The following TNIK variants were observed in gnomAD, a reference collection of about 807,000 sequenced individuals.
TNIK encodes the protein TRAF2 and NCK interacting kinase.
In TNIK, 49 loss-of-function variants were observed where a neutral mutation model predicts 191.3. The ratio of observed to expected loss-of-function variants is 0.26; its 90% CI spans 0.20 to 0.32. TNIK has a LOEUF of 0.32. Ranked by LOEUF, TNIK falls within the 10% of genes least tolerant of loss-of-function variation. TNIK has a pLI of 1.00. For missense variants in TNIK, 1,155 were observed against 1,702.3 expected (o/e 0.68, Z 5.66); for synonymous variants, 594 against 600.9 (o/e 0.99, Z 0.17).
intron 22 of TNIK, among the ~76,000 whole-genome samples, chr3:171,097,534 G>A (rs530254708): frequency 6.6e-6 from 1 of 152,256 alleles, no homozygotes; most frequent in South Asian, 2.1e-4. Context: ...ATGGAGGTGG[G>A]TTTTTCCTCT....
intron 26 of TNIK, among the ~76,000 whole-genome samples, chr3:171,083,862 C>G (rs1265261605): frequency 2.6e-5 from 4 of 152,190 alleles, no homozygotes; most frequent in Admixed American, 2.6e-4. Context: ...TTTGCCCACT[C>G]AATGTATTCA....
Position 171,183,853 on chromosome 3 carries a change from A to G in TNIK, c.639+4849T>C, listed in dbSNP as rs1577062379. On this transcript the variant is annotated intron_variant, in intron 7 of 32. Transcript: ENST00000436636. ...GGAGAATCGCTTGAACCCAGGAGGC[A>G]GAGGTTGCAGTGAGCCGAGATCGTG... Among the ~76,000 whole-genome samples, 4 of 146,294 alleles carry G rather than the reference A, an allele frequency of 2.7e-5. No individual in the cohort carries two copies. The Admixed American group carries it at 2.8e-4, about 10-fold the overall frequency.
intron 27 of TNIK, among the ~76,000 whole-genome samples, chr3:171,080,964 T>C (rs761569171): frequency 6.6e-6 from 1 of 152,218 alleles, no homozygotes; most frequent in Non-Finnish European, 1.5e-5. Flanking sequence ...CCTATTTTCA[T>C]TTTCTCCTTT....
intron 31 of TNIK, 122 bp downstream of exon 31, chr3:171,066,452 AAG>A: frequency 6.4e-7 from 1 of 1,555,388 alleles, no homozygotes; most frequent in South Asian, 1.2e-5. Context: ...CAAGTCTTAC[AAG>A]AGTTATTCAC....
intron 2 of TNIK, among the ~76,000 whole-genome samples, chr3:171,278,350 G>A (rs1292312216): frequency 6.6e-6 from 1 of 152,090 alleles, no homozygotes; most frequent in Non-Finnish European, 1.5e-5. Context: ...ACATAACAAT[G>A]AATTTCTGCT....
At chr3:171,171,659 C>T (rs1285632208) in intron 9 of TNIK, among the ~76,000 whole-genome samples, 1 of 152,206 alleles carries the variant, frequency 6.6e-6, no homozygotes. Flanking sequence ...TCCTATCCTT[C>T]TCCAGAAAGT....
intron 15 of TNIK, among the ~76,000 whole-genome samples, chr3:171,137,754 A>G (rs1429189713): frequency 6.6e-6 from 1 of 152,244 alleles, no homozygotes; most frequent in Non-Finnish European, 1.5e-5. Context: ...GAACAAAGTT[A>G]TGTTAGTGAC....
intron 1 of TNIK, among the ~76,000 whole-genome samples, chr3:171,377,854 T>C (rs551897240): frequency 2.0e-5 from 3 of 152,374 alleles, no homozygotes; most frequent in Non-Finnish European, 2.9e-5. Context: ...TTAAGAGAAG[T>C]TTCCCAAGGT....
intron 4 of TNIK, among the ~76,000 whole-genome samples, chr3:171,207,136 C>A (rs1421333017): frequency 6.6e-6 from 1 of 151,888 alleles, no homozygotes; most frequent in Non-Finnish European, 1.5e-5. Flanking sequence ...CTGCAATGAA[C>A]ACAGGAGCTC....
At chr3:171,279,915 TA>T (rs1317502342) in intron 2 of TNIK, among the ~76,000 whole-genome samples, 3 of 152,138 alleles carry the variant, frequency 2.0e-5, no homozygotes, top group Admixed American at 2.0e-4. Context: ...GAATCTATCT[TA>T]CTCCCCCAGG....
intron 1 of TNIK, among the ~76,000 whole-genome samples, chr3:171,424,769 T>G (rs2108641054): frequency 7.6e-6 from 1 of 130,724 alleles, no homozygotes; most frequent in South Asian, 2.4e-4. Flanking sequence ...CACTCATAGG[T>G]GGGAATTGAA....
chr3:171,197,456 T>A (rs9822610), intron 4 of TNIK, among the ~76,000 whole-genome samples: 44,966 of 151,902 alleles, frequency 0.3, 6,948 homozygotes, highest in East Asian at 0.5. Context: ...CTATCAAGAC[T>A]GTGAAAAGAC....
chr3:171,368,729 G>A (rs972147564), intron 2 of TNIK, among the ~76,000 whole-genome samples: 3 of 152,038 alleles, frequency 2.0e-5, no homozygotes, highest in African/African-American at 7.2e-5. Context: ...ACTGAGAGAA[G>A]TTTAGGGCTC....
intron 2 of TNIK, among the ~76,000 whole-genome samples, chr3:171,367,075 A>G (rs936316159): frequency 6.6e-6 from 1 of 152,192 alleles, no homozygotes; most frequent in Admixed American, 6.5e-5. Context: ...GCGGGAGAAC[A>G]GACTAATACA....
chr3:171,135,981 A>T (rs1408335316), intron 15 of TNIK, among the ~76,000 whole-genome samples: 1 of 152,242 alleles, frequency 6.6e-6, no homozygotes, highest in East Asian at 1.9e-4. Flanking sequence ...ACAAATAGCA[A>T]CTGGAAAACA....
chr3:171,259,264 A>C (rs959948702), intron 2 of TNIK, among the ~76,000 whole-genome samples: 5 of 152,210 alleles, frequency 3.3e-5, no homozygotes, highest in African/African-American at 7.2e-5. Context: ...ATATTTAAAC[A>C]TAACCTTTAA....
At chr3:171,240,706 A>T (rs557051483) in intron 2 of TNIK, among the ~76,000 whole-genome samples, 2 of 152,318 alleles carry the variant, frequency 1.3e-5, no homozygotes, top group East Asian at 3.9e-4. Context: ...AAAGAGTCTC[A>T]AATGACTCTT....
intron 12 of TNIK, among the ~76,000 whole-genome samples, chr3:171,142,562 G>A (rs950166728): frequency 1.3e-5 from 2 of 152,340 alleles, no homozygotes; most frequent in East Asian, 1.9e-4. Context: ...CGGCCAAGGG[G>A]CACAGTGGAC....
Position 171,063,695 on chromosome 3 carries a change from T to C in TNIK, c.*186A>G. On this transcript the variant is annotated 3_prime_UTR_variant, in exon 33 of 33. Transcript: ENST00000436636. ...AAATTCCTGCCACCTTTTTCTCTCCTTCTCAACCAGGCTGCAACATTGAAA... is the reference window on the plus strand; with the variant it reads ...AAATTCCTGCCACCTTTTTCTCTCCCTCTCAACCAGGCTGCAACATTGAAA... The C allele has an allele frequency of 1.9e-6, 1 of 524,724 alleles. No individual in the cohort carries two copies. Among genetic ancestry groups the C allele is most frequent in the Non-Finnish European group, 3.3e-6 (1 of 303,376 alleles). 32.5% of individuals were successfully genotyped at this position (524,724 alleles called of 1,614,324 possible).
Sources: allele counts gnomAD v4.1 joint callset (sites outside exome capture counted in the v4.1 genomes callset), GRCh38; gene constraint gnomAD v4.1.1; transcripts MANE v1.5; gene names NCBI Gene and HGNC (gene_info 2026-07-23, HGNC 2026-07-21).